Variants in LSAMP observed in about 807,000 individuals in gnomAD.
LSAMP encodes limbic system associated membrane protein.
A neutral mutation model predicts 38.6 loss-of-function variants in LSAMP; 7 were observed. The observed-to-expected ratio is 0.18, with a 90% confidence interval of 0.10 to 0.34. LSAMP has a LOEUF of 0.34. Ranked by LOEUF, LSAMP falls within the 10% of genes least tolerant of loss-of-function variation. The probability of loss-of-function intolerance (pLI) is 1.00; values close to 1 mark genes in which losing one functional copy is unlikely to be tolerated. For missense variants in LSAMP, 313 were observed against 420.0 expected (o/e 0.75, Z 2.23); for synonymous variants, 154 against 166.8 (o/e 0.92, Z 0.59).
At chr3:116,185,251 T>G (rs1461092085) in intron 1 of LSAMP, among the ~76,000 whole-genome samples, 1 of 152,004 alleles carries the variant, frequency 6.6e-6, no homozygotes, top group African/African-American at 2.4e-5. Context: ...TACTGTAGAA[T>G]GTAGTTAGTT....
intron 3 of LSAMP, among the ~76,000 whole-genome samples, chr3:115,906,097 G>T (rs571203978): frequency 6.6e-6 from 1 of 152,112 alleles, no homozygotes; most frequent in Non-Finnish European, 1.5e-5. Flanking sequence ...CAGACTACAG[G>T]CTTTTGCCAA....
At chr3:116,338,669 T>C (rs2047952547) in intron 1 of LSAMP, among the ~76,000 whole-genome samples, 1 of 152,000 alleles carries the variant, frequency 6.6e-6, no homozygotes, top group Admixed American at 6.6e-5. Flanking sequence ...GATGGATGTG[T>C]AAGGGGAGAA....
intron 1 of LSAMP, among the ~76,000 whole-genome samples, chr3:116,182,789 A>T (rs1293238673): frequency 6.6e-6 from 1 of 151,770 alleles, no homozygotes; most frequent in Non-Finnish European, 1.5e-5. Context: ...GGTAATGTAT[A>T]TTTTTGTACA....
intron 1 of LSAMP, among the ~76,000 whole-genome samples, chr3:116,324,907 T>C (rs1307809405): frequency 6.6e-6 from 1 of 152,096 alleles, no homozygotes; most frequent in African/African-American, 2.4e-5. Context: ...AGATTGAGCC[T>C]CTCGGCCTCT....
chr3:116,230,779 A>G (rs2046394951), intron 1 of LSAMP, among the ~76,000 whole-genome samples: 1 of 152,150 alleles, frequency 6.6e-6, no homozygotes. Context: ...TTAGCTTTGT[A>G]ATTAAAAAAA....
In LSAMP at chr3:115,803,536, AC is replaced by A. The variant is rs1933564660; in HGVS notation, c.*6780del. ...GCTTACCCTTTTCTCAGAGAACCTAACTTTCACATTTGATTTTGGCCTTCAC... is the reference window on the plus strand; with the variant it reads ...GCTTACCCTTTTCTCAGAGAACCTAATTTCACATTTGATTTTGGCCTTCAC... On this transcript the variant is annotated 3_prime_UTR_variant, in exon 7 of 7. Coordinates refer to ENST00000490035, the MANE Select transcript of LSAMP (RefSeq NM_002338.5). The A allele has an allele frequency of 6.6e-6, 1 of 152,192 alleles. No individual in the cohort carries two copies. Among genetic ancestry groups the A allele is most frequent in the South Asian group, 2.1e-4 (1 of 4,834 alleles). 9.4% of individuals were successfully genotyped at this position (152,192 alleles called of 1,614,324 possible).
intron 1 of LSAMP, among the ~76,000 whole-genome samples, chr3:116,320,297 T>G (rs529461666): frequency 6.6e-5 from 10 of 152,108 alleles, no homozygotes; most frequent in Non-Finnish European, 1.0e-4. Context: ...CCTGTAGTCC[T>G]AGCTACTCAG....
intron 1 of LSAMP, among the ~76,000 whole-genome samples, chr3:116,260,919 T>C (rs1256121693): frequency 6.6e-6 from 1 of 152,162 alleles, no homozygotes; most frequent in Non-Finnish European, 1.5e-5. Flanking sequence ...CAGGCAGAGA[T>C]AGAGCATCAC....
At chr3:116,278,295 T>C (rs1027028014) in intron 1 of LSAMP, among the ~76,000 whole-genome samples, 2 of 152,194 alleles carry the variant, frequency 1.3e-5, no homozygotes, top group Non-Finnish European at 2.9e-5. Context: ...TTCCATTCAA[T>C]AATTCGGCTC....
intron 1 of LSAMP, among the ~76,000 whole-genome samples, chr3:116,367,674 G>GT (rs2048372766): frequency 6.6e-6 from 1 of 151,186 alleles, no homozygotes; most frequent in African/African-American, 2.4e-5. Flanking sequence ...CACCCAACTA[G>GT]TTTTTTGTAT....
intron 1 of LSAMP, among the ~76,000 whole-genome samples, chr3:116,276,868 A>T (rs2047062454): frequency 6.6e-6 from 1 of 152,156 alleles, no homozygotes; most frequent in African/African-American, 2.4e-5. Context: ...AGTGACCGTT[A>T]CTGAATGGAC....
rs143228089 is a variant in LSAMP at position 116,108,587 on chromosome 3, C to A, written c.156-22031G>T. ...CAATTAGGCAGCATCAGTCTTCAGC[C>A]GCTAAGCCAAGAAGATCTGGGAAGG... On this transcript the variant is annotated intron_variant, in intron 1 of 6. Transcript: ENST00000490035. Among the ~76,000 whole-genome samples the A allele has an allele frequency of 1.9e-3, 295 of 152,260 alleles. 2 individuals are homozygous for A. The highest frequency in any genetic ancestry group is 6.8e-3 in the African/African-American group (283 of 41,554).
At chr3:115,890,432 A>G (rs553116623) in intron 3 of LSAMP, among the ~76,000 whole-genome samples, 3 of 152,058 alleles carry the variant, frequency 2.0e-5, no homozygotes, top group East Asian at 3.9e-4. Context: ...ACATGGAACT[A>G]GTAGTTCAGG....
intron 2 of LSAMP, among the ~76,000 whole-genome samples, chr3:116,060,405 T>C (rs573083897): frequency 6.6e-6 from 1 of 152,190 alleles, no homozygotes; most frequent in South Asian, 2.1e-4. Context: ...AAATCTGAGA[T>C]GGAATCTCTA....
intron 1 of LSAMP, among the ~76,000 whole-genome samples, chr3:116,148,713 C>T (rs1709542775): frequency 6.6e-6 from 1 of 151,906 alleles, no homozygotes; most frequent in Admixed American, 6.6e-5. Flanking sequence ...AATTTAGTCG[C>T]TTTTTAAAAT....
At chr3:116,146,671 G>C (rs987047094) in intron 1 of LSAMP, among the ~76,000 whole-genome samples, 1 of 151,856 alleles carries the variant, frequency 6.6e-6, no homozygotes, top group Non-Finnish European at 1.5e-5. Context: ...TGACATGATA[G>C]TGTATATTTT....
intron 3 of LSAMP, among the ~76,000 whole-genome samples, chr3:115,978,144 C>T (rs1461860085): frequency 6.6e-6 from 1 of 152,030 alleles, no homozygotes; most frequent in Non-Finnish European, 1.5e-5. Context: ...GAGCTACAAA[C>T]ACCTGCCACC....
At chr3:116,267,536 T>C (rs1478900144) in intron 1 of LSAMP, among the ~76,000 whole-genome samples, 1 of 151,624 alleles carries the variant, frequency 6.6e-6, no homozygotes, top group African/African-American at 2.4e-5. Context: ...ATAGAGAAGT[T>C]TCTTACTTGC....
chr3:116,335,707 G>T (rs979262197), intron 1 of LSAMP, among the ~76,000 whole-genome samples: 3 of 151,982 alleles, frequency 2.0e-5, no homozygotes, highest in African/African-American at 7.2e-5. Context: ...AAACATCAAA[G>T]CTTAGCCTAA....
Sources: gnomAD v4.1 joint callset for allele counts (sites outside exome capture counted in the v4.1 genomes callset) on GRCh38, gnomAD v4.1.1 for gene constraint, MANE v1.5 for transcripts, NCBI Gene and HGNC (gene_info 2026-07-23, HGNC 2026-07-21) for gene names.